Variants in PHYKPL observed in about 807,000 individuals in gnomAD.
The protein encoded by PHYKPL is 5-phosphohydroxy-L-lysine phospho-lyase, also known as 5-phosphonooxy-L-lysine phospho-lyase.
Under a neutral mutation model 51.3 loss-of-function variants are expected in PHYKPL, and 42 were observed. That is an observed-to-expected ratio of 0.82 (90% confidence interval 0.64 to 1.06). The LOEUF (loss-of-function observed/expected upper bound fraction) is 1.06. Among genes scored for constraint, PHYKPL ranks in the 50% least tolerant of loss-of-function variants. PHYKPL has a pLI of 0.00. For synonymous variants in PHYKPL, 264 were observed against 236.0 expected (o/e 1.12, Z -1.09); for missense variants, 655 against 586.6 (o/e 1.12, Z -1.20).
At position 178,232,693 on chromosome 5, in the gene PHYKPL, G is replaced by T; in HGVS notation, c.-143C>A. The T allele has an allele frequency of 1.1e-6, 1 of 925,500 alleles. No homozygotes were observed. Among genetic ancestry groups the T allele is most frequent in the Non-Finnish European group, 1.4e-6 (1 of 713,648 alleles). 57.3% of individuals were successfully genotyped at this position (925,500 alleles called of 1,614,324 possible). On this transcript the variant is annotated 5_prime_UTR_variant, in exon 1 of 13. Transcript: ENST00000308158. ...TTCGCACTCGGCCCCGCCCCGAAGC[G>T]CCCGCGTTGCGGTGGTTCATTTCTT...
intron 2 of PHYKPL, chr5:178,230,981 A>G (rs1235918655): frequency 6.3e-6 from 1 of 158,580 alleles, no homozygotes; most frequent in Non-Finnish European, 1.4e-5. Flanking sequence ...TGAGTCTCAG[A>G]CTCCCTTTCT....
chr5:178,232,177 C>T, intron 1 of PHYKPL: 1 of 1,229,868 alleles, frequency 8.1e-7, no homozygotes, highest in Non-Finnish European at 1.0e-6. Flanking sequence ...AAGGTCTTCT[C>T]CGGAGTAAAG....
intron 8 of PHYKPL, 43 bp downstream of exon 8, chr5:178,222,312 A>G (rs1177866645): frequency 1.3e-6 from 2 of 1,552,478 alleles, no homozygotes; most frequent in Admixed American, 1.8e-5. Context: ...CCGGGGGCCT[A>G]TCAGAACCCA....
chr5:178,228,631 C>T, intron 3 of PHYKPL: 1 of 702,484 alleles, frequency 1.4e-6, no homozygotes. Context: ...TAGAAATTAT[C>T]TGGGGGGCAG....
chr5:178,224,222 CG>C (rs1761803541), intron 6 of PHYKPL: 1 of 516,212 alleles, frequency 1.9e-6, no homozygotes, highest in Non-Finnish European at 3.4e-6. Flanking sequence ...CCAAGGACCC[CG>C]CTTGGTACCT....
intron 8 of PHYKPL, among the ~76,000 whole-genome samples, chr5:178,221,856 G>C (rs2913746): frequency 0.83 from 126,242 of 152,132 alleles, 52,713 homozygotes; most frequent in African/African-American, 0.92. Context: ...TGTGGGGCTC[G>C]TGCTGCCATC....
intron 3 of PHYKPL, chr5:178,228,585 C>T (rs1295066138): frequency 8.5e-6 from 6 of 702,562 alleles, no homozygotes; most frequent in Non-Finnish European, 1.6e-5. Context: ...CTGCTGTTAC[C>T]CCACCTGTAA....
chr5:178,220,868 A>T (rs1272460594), intron 8 of PHYKPL, among the ~76,000 whole-genome samples: 1 of 152,214 alleles, frequency 6.6e-6, no homozygotes, highest in Non-Finnish European at 1.5e-5. Flanking sequence ...GAGGATTCTT[A>T]GTGATATGTT....
intron 3 of PHYKPL, chr5:178,225,995 G>A (rs1043300206): frequency 2.6e-5 from 4 of 152,834 alleles, no homozygotes; most frequent in African/African-American, 9.7e-5. Flanking sequence ...GCCCAGACTG[G>A]GGGCTCAAGC....
At chr5:178,225,597 A>C in intron 3 of PHYKPL, 168 bp from the exon 4 acceptor site, 5 of 630,146 alleles carry the variant, frequency 7.9e-6, no homozygotes, top group Non-Finnish European at 1.4e-5. Context: ...TATGTACTAG[A>C]AGCTGGGGGA....
chr5:178,228,643 T>A lies in PHYKPL; in HGVS notation c.338+1297A>T, dbSNP rs565993942. On this transcript the variant is annotated intron_variant, in intron 3 of 12. Coordinates refer to ENST00000308158, the MANE Select transcript of PHYKPL (RefSeq NM_153373.4). The stretch of plus-strand genomic sequence containing the variant: ...TCCTAGAAATTATCTGGGGGGCAGA[T>A]GTCTGTACTGTGTGAGTGGCCACAG... 1.1e-5 allele frequency: 8 copies of A among 702,160 alleles called. No homozygotes were observed. The African/African-American group carries it at 1.2e-4, about 11-fold the overall frequency. 43.5% of individuals were successfully genotyped at this position (702,160 alleles called of 1,614,324 possible).
intron 12 of PHYKPL, chr5:178,209,444 G>A: frequency 1.2e-6 from 2 of 1,613,554 alleles, no homozygotes; most frequent in Non-Finnish European, 1.7e-6. Context: ...TGGTGGAGGT[G>A]GAGGTGAGTG....
chr5:178,209,896 G>C (rs1447369314), intron 12 of PHYKPL, among the ~76,000 whole-genome samples: 1 of 152,144 alleles, frequency 6.6e-6, no homozygotes, highest in Non-Finnish European at 1.5e-5. Flanking sequence ...GTGACTGAGT[G>C]AGTGAGCTGC....
At chr5:178,231,588 G>A in intron 1 of PHYKPL, 65 bp from the exon 2 acceptor site, 1 of 1,611,104 alleles carries the variant, frequency 6.2e-7, no homozygotes, top group African/African-American at 1.3e-5. Flanking sequence ...TCTACTCATC[G>A]CAGACCCCCG....
Position 178,215,413 on chromosome 5 carries a change from C to T in PHYKPL, c.945G>A (p.Val315=), listed in dbSNP as rs1442360456. ...EYFNTFGGSP[V]SCAVGLAVLN... ...GGACGGCCAGCCCCACAGCGCAGGA[C>T]ACTGGGCTGCCCCCAAACTGAGCCA... The change falls in exon 9 of 13, where the codon GTG becomes GTA. Residue 315 remains valine, a synonymous_variant. Coordinates refer to ENST00000308158, the MANE Select transcript of PHYKPL (RefSeq NM_153373.4). 3 of 1,612,434 alleles carry T rather than the reference C, an allele frequency of 1.9e-6. No individual in the cohort carries two copies. The highest frequency in any genetic ancestry group is 2.2e-5 in the South Asian group (2 of 91,010).
chr5:178,210,499 G>A, intron 12 of PHYKPL: 1 of 1,565,208 alleles, frequency 6.4e-7, no homozygotes, highest in Non-Finnish European at 8.8e-7. Context: ...TCAAGCGCGT[G>A]GCACAGGGCA....
intron 3 of PHYKPL, 159 bp from the exon 4 acceptor site, chr5:178,225,588 A>G: frequency 1.5e-6 from 1 of 656,794 alleles, no homozygotes; most frequent in East Asian, 2.7e-5. Context: ...AATGCCTCCT[A>G]TGTACTAGAA....
intron 12 of PHYKPL, 179 bp downstream of exon 12, chr5:178,211,711 A>G: frequency 3.4e-6 from 2 of 593,874 alleles, no homozygotes; most frequent in South Asian, 2.1e-5. Context: ...TGTTCCTGCC[A>G]TCAAGTGCAA....
intron 8 of PHYKPL, among the ~76,000 whole-genome samples, chr5:178,221,877 C>T (rs1278432153): frequency 1.3e-5 from 2 of 152,232 alleles, no homozygotes; most frequent in East Asian, 3.9e-4. Context: ...CTCTCACCTA[C>T]CCTGCAACTG....
Sources: gnomAD v4.1 joint callset for allele counts (sites outside exome capture counted in the v4.1 genomes callset) on GRCh38, gnomAD v4.1.1 for gene constraint, MANE v1.5 for transcripts, NCBI Gene and HGNC (gene_info 2026-07-23, HGNC 2026-07-21) for gene names.